PMFBP1: variants seen among roughly 807,000 people sequenced by gnomAD.
PMFBP1 encodes polyamine modulated factor 1 binding protein 1.
A neutral mutation model predicts 137.8 loss-of-function variants in PMFBP1; 131 were observed. The observed-to-expected ratio is 0.95, with a 90% CI of 0.82 to 1.10. The LOEUF is 1.10. PMFBP1 is among the 50% of genes least tolerant of loss of function. PMFBP1 has a pLI of 0.00. For synonymous variants in PMFBP1, 490 were observed against 450.4 expected (o/e 1.09, Z -1.11); for missense variants, 1,199 against 1,175.4 (o/e 1.02, Z -0.29).
In PMFBP1 at chr16:72,139,284, C is replaced by T; in HGVS notation, c.918+5G>A. The T allele has an allele frequency of 4.4e-6, 7 of 1,608,970 alleles. No individual in the cohort carries two copies. The African/African-American group carries it at 8.0e-5, about 18-fold the overall frequency. ...AGTAGGCACAGATCAGCAAATTTCTCCCACCTTTTTGATGTCTTCACACTC... is the reference window on the plus strand; with the variant it reads ...AGTAGGCACAGATCAGCAAATTTCTTCCACCTTTTTGATGTCTTCACACTC... On this transcript the variant is annotated splice_donor_5th_base_variant and intron_variant, in intron 7 of 20. Transcript: ENST00000237353.
In PMFBP1 at chr16:72,132,834, T is replaced by C; in HGVS notation, c.1361A>G (p.Lys454Arg). 1 of 1,614,210 alleles carries C rather than the reference T, an allele frequency of 6.2e-7. No homozygotes were observed. The highest frequency in any genetic ancestry group is 1.3e-5 in the African/African-American group (1 of 75,066). Reference protein sequence around the residue: ...TVKEAKQDKSKEAECKALQAE... With the variant: ...TVKEAKQDKSREAECKALQAE... ...CTGCAGGGCCTTGCACTCCGCCTCCTTGGACTTGTCCTGCTTAGCCTCCTT... is the reference window on the plus strand; with the variant it reads ...CTGCAGGGCCTTGCACTCCGCCTCCCTGGACTTGTCCTGCTTAGCCTCCTT... The change falls in exon 10 of 21, where the codon AAG becomes AGG. Residue 454 changes from lysine (K) to arginine (R), a missense_variant. Physicochemically the swap from Lys to Arg is conservative, Grantham distance 26. Transcript: ENST00000237353.
At chr16:72,125,849 G>A in intron 15 of PMFBP1, 119 bp downstream of exon 15, 1 of 1,272,942 alleles carries the variant, frequency 7.9e-7, no homozygotes, top group Non-Finnish European at 1.1e-6. Context: ...GCCCACACAA[G>A]GGTTTGAGAT....
chr16:72,184,443 G>A, the PMFBP1 span, among the ~76,000 whole-genome samples: 1 of 152,142 alleles, frequency 6.6e-6, no homozygotes, highest in Non-Finnish European at 1.5e-5. Context: ...CCTTTTTAAG[G>A]TATTTAACAA....
At chr16:72,165,860 G>A (rs1403496930) in intron 2 of PMFBP1, among the ~76,000 whole-genome samples, 1 of 152,282 alleles carries the variant, frequency 6.6e-6, no homozygotes, top group East Asian at 1.9e-4. Context: ...TAGTGACTGA[G>A]ATATAAATAG....
At chr16:72,137,707 C>T (rs1285938152) in intron 7 of PMFBP1, among the ~76,000 whole-genome samples, 1 of 152,140 alleles carries the variant, frequency 6.6e-6, no homozygotes, top group African/African-American at 2.4e-5. Flanking sequence ...AGACCATTGG[C>T]TTCTACCCTG....
chr16:72,123,041 C>A, intron 18 of PMFBP1, 53 bp from the exon 19 acceptor site: 1 of 1,524,342 alleles, frequency 6.6e-7, no homozygotes, highest in Non-Finnish European at 9.0e-7. Context: ...CTCCCGCGAG[C>A]AAGGGTGCAG....
chr16:72,166,702 C>A lies in PMFBP1; in HGVS notation c.13-1786G>T, dbSNP rs2043150244. ...CATACAGGAAACTCTGGAATATGAGCTACACCTTAGAGTCTGTCTTGATTG... is the reference window on the plus strand; with the variant it reads ...CATACAGGAAACTCTGGAATATGAGATACACCTTAGAGTCTGTCTTGATTG... On this transcript the variant is annotated intron_variant, in intron 2 of 20. Coordinates refer to ENST00000237353, the MANE Select transcript of PMFBP1 (RefSeq NM_031293.3). 2.0e-5 allele frequency among the ~76,000 whole-genome samples: 3 copies of A among 152,188 alleles called. No individual in the cohort carries two copies. In the South Asian group the frequency reaches 6.2e-4, roughly 31 times the overall value.
Position 72,129,221 on chromosome 16 carries a change from CT to C in PMFBP1, c.1794del (p.Gly599AlafsTer7), listed in dbSNP as rs766109088. ...TCTTCTAACTTGCATTTGATGGAGC[CT>C]TGCTCCCTGTGCTGAAAAAATAAAG... ...LDRIKHQHRE[Q>X]GSIKCKLEED... On this transcript the variant is annotated frameshift_variant, in exon 13 of 21. Transcript: ENST00000237353. LOFTEE classifies it high-confidence loss of function. 1 of 1,612,252 alleles carries C rather than the reference CT, an allele frequency of 6.2e-7. No individual in the cohort carries two copies. Among genetic ancestry groups the C allele is most frequent in the East Asian group, 2.2e-5 (1 of 44,882 alleles).
intron 12 of PMFBP1, among the ~76,000 whole-genome samples, chr16:72,129,870 A>G (rs898501600): frequency 1.3e-5 from 2 of 152,056 alleles, no homozygotes; most frequent in Non-Finnish European, 2.9e-5. Flanking sequence ...TTTTTGAGAC[A>G]GGGTCTCACT....
At chr16:72,131,520 A>G (rs2042548989) in intron 10 of PMFBP1, among the ~76,000 whole-genome samples, 1 of 152,194 alleles carries the variant, frequency 6.6e-6, no homozygotes, top group Admixed American at 6.5e-5. Flanking sequence ...GAAGGCAGCT[A>G]CAAAGTTAGA....
At chr16:72,128,631 C>T (rs750159705) in intron 14 of PMFBP1, 26 bp downstream of exon 14, 28 of 1,613,926 alleles carry the variant, frequency 1.7e-5, no homozygotes, top group Admixed American at 1.3e-4. Context: ...AAATTCCTCA[C>T]TCCCTTGGGG....
chr16:72,123,698 T>G, intron 17 of PMFBP1, 49 bp from the exon 18 acceptor site: 1 of 1,523,806 alleles, frequency 6.6e-7, no homozygotes, highest in Non-Finnish European at 9.0e-7. Flanking sequence ...AGCACAGGCC[T>G]GTCAGCCCTC....
rs1219991920 is a variant in PMFBP1, at chr16:72,130,771, T to C, written c.1448-49A>G. 16 of 1,523,160 alleles carry C rather than the reference T, an allele frequency of 1.1e-5. 1 individual carries two copies. The South Asian group carries it at 1.3e-4, about 13-fold the overall frequency. The allele number at this position is 1,523,160 out of a possible 1,614,324, so 94.4% of individuals were successfully genotyped here. A position where few individuals can be genotyped will look rare whatever the true frequency, so the allele number is the denominator to read the frequency against. ...TGTGAGAAGGGAGGGTGTATGAAGA[T>C]CACACTCTTATCAGCCTGGCTGAAG... On this transcript the variant is annotated intron_variant, in intron 10 of 20. Transcript: ENST00000237353.
At chr16:72,196,013 GT>G in the PMFBP1 span, among the ~76,000 whole-genome samples, 1 of 151,550 alleles carries the variant, frequency 6.6e-6, no homozygotes, top group South Asian at 2.1e-4. Context: ...GTGTGTGTGT[GT>G]GTGTGTGTGT....
chr16:72,194,449 T>G, the PMFBP1 span, among the ~76,000 whole-genome samples: 1 of 152,208 alleles, frequency 6.6e-6, no homozygotes, highest in Non-Finnish European at 1.5e-5. Context: ...CATTTTTTAT[T>G]CAAGGCATCC....
At chr16:72,240,564 T>C in the PMFBP1 span, among the ~76,000 whole-genome samples, 7 of 152,258 alleles carry the variant, frequency 4.6e-5, no homozygotes, top group Non-Finnish European at 7.3e-5. Flanking sequence ...AAAGTGCATA[T>C]GATTCTTATC....
intron 5 of PMFBP1, among the ~76,000 whole-genome samples, chr16:72,143,155 T>C (rs1027279956): frequency 6.6e-6 from 1 of 152,158 alleles, no homozygotes; most frequent in South Asian, 2.1e-4. Flanking sequence ...ATAAGCTAAA[T>C]ATAGACAGTC....
the PMFBP1 span, among the ~76,000 whole-genome samples, chr16:72,207,709 C>CATGTGT: frequency 4.2e-5 from 4 of 94,472 alleles, no homozygotes; most frequent in African/African-American, 2.3e-4. Flanking sequence ...ACCAGTAGGG[C>CATGTGT]ATGTGTGTGT....
intron 1 of PMFBP1, chr16:72,171,762 T>A (rs1004924215): frequency 6.6e-6 from 1 of 152,332 alleles, no homozygotes; most frequent in Non-Finnish European, 1.5e-5. Context: ...CTTACTACTC[T>A]ATGAGGAGCT....
Sources: allele counts gnomAD v4.1 joint callset (sites outside exome capture counted in the v4.1 genomes callset), GRCh38; gene constraint gnomAD v4.1.1; transcripts MANE v1.5; gene names NCBI Gene and HGNC (gene_info 2026-07-23, HGNC 2026-07-21).